The following GALNT17 variants were observed in gnomAD, a reference collection of about 807,000 sequenced individuals.
GALNT17 encodes UDP-GalNAc:polypeptide N-acetylgalactosaminyltransferase-like 3.
In GALNT17, 29 loss-of-function variants were observed where a neutral mutation model predicts 63.7. The ratio of observed to expected loss-of-function variants is 0.46; its 90% confidence interval spans 0.34 to 0.62. GALNT17 has a LOEUF of 0.62. GALNT17 is among the 20% of genes least tolerant of loss of function. The pLI, the probability that GALNT17 is intolerant of heterozygous loss-of-function variation, is 0.01. For missense variants in GALNT17, 603 were observed against 799.6 expected (o/e 0.75, Z 2.97); for synonymous variants, 305 against 318.3 (o/e 0.96, Z 0.45).
chr7:71,469,909 A>G lies in GALNT17; in HGVS notation c.962+48804A>G, dbSNP rs531091160. Among the ~76,000 whole-genome samples, 3 of 152,348 alleles carry G rather than the reference A, an allele frequency of 2.0e-5. No homozygotes were observed. In the South Asian group the frequency reaches 6.2e-4, roughly 32 times the overall value. ...GTCTCAAGATATATAGTACCCTTAC[A>G]TTTAAGATTGTAGTCCAGGCCAGGT... On this transcript the variant is annotated intron_variant, in intron 5 of 10. Transcript: ENST00000333538.
Position 71,523,744 on chromosome 7 carries a change from AAAATAAATAAATAAATAAAT to A in GALNT17, c.963-47518_963-47499del, listed in dbSNP as rs55683413. Among the ~76,000 whole-genome samples the A allele has an allele frequency of 8.0e-5, 11 of 137,612 alleles. No individual in the cohort carries two copies. In the East Asian group the frequency reaches 1.0e-3, roughly 13 times the overall value. The allele number at this position is 137,612 out of a possible 152,430, so 90.3% of individuals were successfully genotyped here. On this transcript the variant is annotated intron_variant, in intron 5 of 10. Transcript: ENST00000333538. ...GCAACAGAGCAAGACCCTGTCTCAA[AAAATAAATAAATAAATAAAT>A]AAATAAATAAATAAATAAATAATAA...
At chr7:71,198,090 C>T (rs750840165) in intron 1 of GALNT17, among the ~76,000 whole-genome samples, 8 of 150,206 alleles carry the variant, frequency 5.3e-5, no homozygotes, top group South Asian at 2.1e-4. Context: ...CCCAGCTACT[C>T]GGGAGGCTGA....
At chr7:71,550,962 G>T (rs1410081851) in intron 5 of GALNT17, among the ~76,000 whole-genome samples, 1 of 151,628 alleles carries the variant, frequency 6.6e-6, no homozygotes, top group African/African-American at 2.4e-5. Context: ...TATTTGTTCT[G>T]CTTGAGATTT....
chr7:71,542,456 G>A (rs1788909252), intron 5 of GALNT17, among the ~76,000 whole-genome samples: 1 of 152,044 alleles, frequency 6.6e-6, no homozygotes, highest in African/African-American at 2.4e-5. Context: ...CAGCACTTTG[G>A]GAGGCCGAGG....
At chr7:71,490,446 G>A (rs558591051) in intron 5 of GALNT17, among the ~76,000 whole-genome samples, 21 of 152,076 alleles carry the variant, frequency 1.4e-4, no homozygotes, top group Non-Finnish European at 2.8e-4. Context: ...CCCCTTAAGT[G>A]TTTGTTGTGC....
intron 5 of GALNT17, among the ~76,000 whole-genome samples, chr7:71,521,776 C>T (rs1413036378): frequency 6.6e-6 from 1 of 152,190 alleles, no homozygotes; most frequent in Non-Finnish European, 1.5e-5. Context: ...GAAGGAAACA[C>T]AGATTCCCAG....
intron 5 of GALNT17, among the ~76,000 whole-genome samples, chr7:71,534,468 G>A (rs1226274151): frequency 1.3e-5 from 2 of 151,848 alleles, no homozygotes; most frequent in East Asian, 1.9e-4. Flanking sequence ...GCATGGTGGC[G>A]GGCGCCTGTA....
intron 5 of GALNT17, among the ~76,000 whole-genome samples, chr7:71,443,949 A>G (rs748760996): frequency 6.6e-6 from 1 of 152,152 alleles, no homozygotes; most frequent in Non-Finnish European, 1.5e-5. Flanking sequence ...CTGGTCTCGA[A>G]CTTTTGACCT....
chr7:71,260,240 T>C lies in GALNT17; in HGVS notation c.239-75310T>C, dbSNP rs559438163. Among the ~76,000 whole-genome samples, 9 of 152,198 alleles carry C rather than the reference T, an allele frequency of 5.9e-5. No individual in the cohort carries two copies. In the East Asian group the frequency reaches 1.7e-3, roughly 30 times the overall value. On this transcript the variant is annotated intron_variant, in intron 1 of 10. Coordinates refer to ENST00000333538, the MANE Select transcript of GALNT17 (RefSeq NM_022479.3). ...ATCATAGATATTGTCAAGGAACTTC[T>C]TCCTCTTGGTTGGTGACCCCACCAA... is the stretch of plus-strand genomic sequence containing the variant.
intron 2 of GALNT17, among the ~76,000 whole-genome samples, chr7:71,354,863 T>A (rs1792253789): frequency 6.6e-6 from 1 of 152,162 alleles, no homozygotes; most frequent in Non-Finnish European, 1.5e-5. Flanking sequence ...GTTTTTGCAA[T>A]TTTTTTCCTG....
intron 2 of GALNT17, among the ~76,000 whole-genome samples, chr7:71,382,317 G>C (rs1369848225): frequency 6.6e-6 from 1 of 151,948 alleles, no homozygotes; most frequent in Non-Finnish European, 1.5e-5. Context: ...GGGGCGGAGG[G>C]TACAGTGAGT....
At chr7:71,504,724 G>C (rs971440559) in intron 5 of GALNT17, among the ~76,000 whole-genome samples, 3 of 151,870 alleles carry the variant, frequency 2.0e-5, no homozygotes, top group Non-Finnish European at 4.4e-5. Flanking sequence ...TTGCTGTCTG[G>C]TATTTTTCAG....
intron 1 of GALNT17, among the ~76,000 whole-genome samples, chr7:71,304,154 A>G (rs904320611): frequency 1.3e-5 from 2 of 152,164 alleles, no homozygotes; most frequent in South Asian, 4.1e-4. Context: ...CACGTAGTTG[A>G]TTTTTGCAAG....
intron 1 of GALNT17, among the ~76,000 whole-genome samples, chr7:71,315,293 T>C (rs1791481090): frequency 6.6e-6 from 1 of 152,194 alleles, no homozygotes; most frequent in South Asian, 2.1e-4. Flanking sequence ...GTGTGGGTTG[T>C]TTTGACTTTT....
At chr7:71,436,249 G>T (rs1786961531) in intron 5 of GALNT17, among the ~76,000 whole-genome samples, 1 of 152,152 alleles carries the variant, frequency 6.6e-6, no homozygotes, top group African/African-American at 2.4e-5. Flanking sequence ...GCTGAGATGA[G>T]AGGATTGCTT....
At chr7:71,427,083 CTTT>C (rs879851559) in intron 5 of GALNT17, among the ~76,000 whole-genome samples, 1 of 140,232 alleles carries the variant, frequency 7.1e-6, no homozygotes. Context: ...TTCATTTACT[CTTT>C]TTTTTTTTTT....
At chr7:71,601,342 C>G (rs781702412) in intron 6 of GALNT17, among the ~76,000 whole-genome samples, 1 of 152,034 alleles carries the variant, frequency 6.6e-6, no homozygotes, top group African/African-American at 2.4e-5. Context: ...CTTTTAGTTC[C>G]TTAAGGAATC....
At chr7:71,561,637 C>T (rs1165466852) in intron 5 of GALNT17, among the ~76,000 whole-genome samples, 1 of 152,130 alleles carries the variant, frequency 6.6e-6, no homozygotes, top group Non-Finnish European at 1.5e-5. Context: ...CAGGAACCAT[C>T]ATCATGATAG....
chr7:71,674,131 A>G (rs1457514448), intron 8 of GALNT17, among the ~76,000 whole-genome samples: 3 of 152,212 alleles, frequency 2.0e-5, no homozygotes, highest in African/African-American at 4.8e-5. Context: ...ATCAATACAT[A>G]CATTCTATCG....
Sources: allele counts gnomAD v4.1 joint callset (sites outside exome capture counted in the v4.1 genomes callset), GRCh38; gene constraint gnomAD v4.1.1; transcripts MANE v1.5; gene names NCBI Gene and HGNC (gene_info 2026-07-23, HGNC 2026-07-21).